The following ST8SIA5 variants were observed in gnomAD, a reference collection of about 807,000 sequenced individuals.
ST8SIA5 encodes the protein alpha-2,8-sialyltransferase 8E.
A neutral mutation model predicts 40.2 loss-of-function variants in ST8SIA5; 24 were observed. The observed-to-expected ratio is 0.60, with a 90% CI of 0.43 to 0.84. The LOEUF (loss-of-function observed/expected upper bound fraction) is 0.84. Among genes scored for constraint, ST8SIA5 ranks in the 40% least tolerant of loss-of-function variants. ST8SIA5 has a pLI of 0.00. For missense variants in ST8SIA5, 465 were observed against 498.5 expected, an observed-to-expected ratio of 0.93 and a Z score of 0.64; for synonymous variants, 198 against 201.8, an observed-to-expected ratio of 0.98 and a Z score of 0.16.
intron 1 of ST8SIA5, among the ~76,000 whole-genome samples, chr18:46,727,246 T>C (rs1361977074): frequency 1.3e-5 from 2 of 152,254 alleles, no homozygotes; most frequent in Non-Finnish European, 2.9e-5. Context: ...CTGGATTTTC[T>C]GATTATAAAA....
intron 5 of ST8SIA5, among the ~76,000 whole-genome samples, chr18:46,683,933 G>A (rs2039421846): frequency 6.6e-6 from 1 of 152,202 alleles, no homozygotes; most frequent in Non-Finnish European, 1.5e-5. Context: ...TCAAGGCAGG[G>A]TGGAGGACGG....
intron 2 of ST8SIA5, among the ~76,000 whole-genome samples, chr18:46,703,976 A>G (rs915337039): frequency 1.3e-5 from 2 of 152,086 alleles, no homozygotes; most frequent in African/African-American, 4.8e-5. Context: ...CAGCTCTTTT[A>G]CCATTTATGT....
intron 1 of ST8SIA5, among the ~76,000 whole-genome samples, chr18:46,712,580 C>A (rs1339121027): frequency 6.6e-6 from 1 of 152,214 alleles, no homozygotes; most frequent in Non-Finnish European, 1.5e-5. Flanking sequence ...GGGCACTCCT[C>A]CAGACCAGCT....
chr18:46,749,727 C>G (rs1479515303), intron 1 of ST8SIA5, among the ~76,000 whole-genome samples: 1 of 152,100 alleles, frequency 6.6e-6, no homozygotes, highest in Non-Finnish European at 1.5e-5. Flanking sequence ...TAGTTAAAAA[C>G]TATATAGCTA....
chr18:46,680,331 T>G lies in ST8SIA5; in HGVS notation c.842A>C (p.Tyr281Ser). 6.2e-6 allele frequency: 10 copies of G among 1,614,220 alleles called. No homozygotes were observed. Among genetic ancestry groups the G allele is most frequent in the Non-Finnish European group, 8.5e-6 (10 of 1,180,040 alleles). ...PQAVYYFHPQ[Y>S]LVNVSRYWLS... ...CCAGTAGCGCGACACGTTGACCAGG[T>G]ACTGCGGATGGAAGTAGTAGACAGC... Residue 281 changes from tyrosine (Y) to serine (S), a missense_variant, in exon 7 of 7, where the codon TAC becomes TCC. Physicochemically the swap from Tyr to Ser is moderately radical, Grantham distance 144 (BLOSUM62 -2). Transcript: ENST00000315087.
At chr18:46,702,404 C>T (rs1193443680) in intron 2 of ST8SIA5, among the ~76,000 whole-genome samples, 1 of 152,198 alleles carries the variant, frequency 6.6e-6, no homozygotes, top group South Asian at 2.1e-4. Flanking sequence ...AAACCATTCC[C>T]GTGGCTCTCA....
chr18:46,728,559 C>G (rs1247922425), intron 1 of ST8SIA5, among the ~76,000 whole-genome samples: 2 of 152,220 alleles, frequency 1.3e-5, no homozygotes, highest in East Asian at 3.9e-4. Context: ...AGCCCCACCC[C>G]TGATGCCAGA....
chr18:46,721,396 G>T, intron 1 of ST8SIA5: 3 of 1,536,124 alleles, frequency 2.0e-6, no homozygotes, highest in Non-Finnish European at 2.6e-6. Context: ...TGCACTGCTG[G>T]ATCATCCGTG....
chr18:46,687,121 G>A (rs757501402), intron 4 of ST8SIA5, among the ~76,000 whole-genome samples: 4 of 152,200 alleles, frequency 2.6e-5, no homozygotes, highest in Non-Finnish European at 4.4e-5. Context: ...CTGGCCTACC[G>A]TCTGTTTTTG....
At chr18:46,727,258 C>T (rs1167382297) in intron 1 of ST8SIA5, among the ~76,000 whole-genome samples, 1 of 152,186 alleles carries the variant, frequency 6.6e-6, no homozygotes, top group Non-Finnish European at 1.5e-5. Flanking sequence ...ATTATAAAAT[C>T]TGGGATATGT....
At chr18:46,692,294 G>A (rs1473955744) in intron 2 of ST8SIA5, 39 bp from the exon 3 acceptor site, 3 of 1,593,782 alleles carry the variant, frequency 1.9e-6, no homozygotes, top group Non-Finnish European at 2.6e-6. Flanking sequence ...GAGCAGGGTA[G>A]GCGGGACAGA....
intron 1 of ST8SIA5, among the ~76,000 whole-genome samples, chr18:46,711,286 G>C (rs9807683): frequency 6.6e-6 from 1 of 151,994 alleles, no homozygotes; most frequent in Admixed American, 6.6e-5. Flanking sequence ...CCTGATACCA[G>C]ACCATTTAAC....
At position 46,667,924 on chromosome 18, in the gene ST8SIA5, AGTC is replaced by A. The variant is rs1276302467; in HGVS notation, c.*12115_*12117del. ...ATGATGTTTTTAGGCATAGCATCAC[AGTC>A]ATCACTTCAGAATCACTACTCAAGG... On this transcript the variant is annotated 3_prime_UTR_variant, in exon 7 of 7. Coordinates refer to ENST00000315087, the MANE Select transcript of ST8SIA5 (RefSeq NM_013305.6). 6.6e-6 allele frequency: 1 copy of A among 152,224 alleles called. No individual in the cohort carries two copies. 9.4% of individuals were successfully genotyped at this position (152,224 alleles called of 1,614,324 possible). A position where few individuals can be genotyped will look rare whatever the true frequency, so the allele number is the denominator to read the frequency against.
intron 1 of ST8SIA5, among the ~76,000 whole-genome samples, chr18:46,745,696 ACTC>A (rs2040133061): frequency 6.6e-6 from 1 of 152,038 alleles, no homozygotes; most frequent in Admixed American, 6.6e-5. Flanking sequence ...AAAAAGAGGG[ACTC>A]CTCCTTAACT....
chr18:46,734,350 G>T (rs1414865283), intron 1 of ST8SIA5, among the ~76,000 whole-genome samples: 1 of 152,098 alleles, frequency 6.6e-6, no homozygotes, highest in African/African-American at 2.4e-5. Flanking sequence ...GGAGTATCTG[G>T]AGGGAGGAGA....
At position 46,726,015 on chromosome 18, in the gene ST8SIA5, G is replaced by GATATATATATATAT. The variant is rs530130795; in HGVS notation, c.132-21365_132-21352dup. On this transcript the variant is annotated intron_variant, in intron 1 of 6. Coordinates refer to ENST00000315087, the MANE Select transcript of ST8SIA5 (RefSeq NM_013305.6). The stretch of plus-strand genomic sequence containing the variant: ...TATATATATATATATATATATCCTG[G>GATATATATATATAT]ATATATATATATATCCTGGATATAT... Among the ~76,000 whole-genome samples the GATATATATATATAT allele has an allele frequency of 9.7e-3, 300 of 30,990 alleles. 3 individuals are homozygous for GATATATATATATAT. The highest frequency in any genetic ancestry group is 0.021 in the African/African-American group (164 of 7,728). 20.3% of individuals were successfully genotyped at this position (30,990 alleles called of 152,430 possible).
At chr18:46,748,241 T>A (rs781779362) in intron 1 of ST8SIA5, among the ~76,000 whole-genome samples, 39,711 of 149,386 alleles carry the variant, frequency 0.27, 5,381 homozygotes, top group African/African-American at 0.28. Flanking sequence ...AATAAATTAA[T>A]TAATTTAAAA....
chr18:46,710,227 G>C (rs911620179), intron 1 of ST8SIA5, among the ~76,000 whole-genome samples: 3 of 152,132 alleles, frequency 2.0e-5, no homozygotes, highest in Non-Finnish European at 4.4e-5. Flanking sequence ...TAAGTGAGAA[G>C]ACAAATGCAG....
At chr18:46,709,764 A>G (rs56772863) in intron 1 of ST8SIA5, among the ~76,000 whole-genome samples, 9,387 of 152,296 alleles carry the variant, frequency 0.062, 768 homozygotes, top group East Asian at 0.42. Flanking sequence ...CACAATATTA[A>G]TAGGGGTTTC....
Sources: allele counts gnomAD v4.1 joint callset (sites outside exome capture counted in the v4.1 genomes callset), GRCh38; gene constraint gnomAD v4.1.1; transcripts MANE v1.5; gene names NCBI Gene and HGNC (gene_info 2026-07-23, HGNC 2026-07-21).